Variants in BLOC1S5 observed in about 807,000 individuals in gnomAD.
The protein encoded by BLOC1S5 is biogenesis of lysosomal organelles complex 1 subunit 5.
A neutral mutation model predicts 24.3 loss-of-function variants in BLOC1S5; 27 were observed. The observed-to-expected ratio is 1.11, with a 90% CI of 0.82 to 1.53. The LOEUF (loss-of-function observed/expected upper bound fraction) is 1.53, where lower values mean the gene tolerates loss of function less well. BLOC1S5 is among the 40% of genes most tolerant of loss of function. The pLI, the probability that BLOC1S5 is intolerant of heterozygous loss-of-function variation, is 0.00. For synonymous variants in BLOC1S5, 84 were observed against 74.5 expected (o/e 1.13, Z -0.66); for missense variants, 239 against 229.4 (o/e 1.04, Z -0.27).
intron 2 of BLOC1S5, among the ~76,000 whole-genome samples, chr6:8,052,068 G>A (rs920821867): frequency 4.9e-5 from 7 of 143,976 alleles, no homozygotes; most frequent in East Asian, 2.2e-4. Context: ...CCGGGTTCAC[G>A]CCATTCTCCT....
intron 2 of BLOC1S5, among the ~76,000 whole-genome samples, chr6:8,054,923 C>T (rs7766631): frequency 0.035 from 5,340 of 152,280 alleles, 248 homozygotes; most frequent in African/African-American, 0.11. Flanking sequence ...TTCAACTTCA[C>T]TTAAGGACTC....
chr6:8,044,570 A>G (rs9505345), intron 2 of BLOC1S5, among the ~76,000 whole-genome samples: 31,251 of 152,126 alleles, frequency 0.21, 3,517 homozygotes, highest in African/African-American at 0.28. Flanking sequence ...AAAATGTAAG[A>G]AAGTTTGGGA....
intron 4 of BLOC1S5, among the ~76,000 whole-genome samples, chr6:8,017,541 G>T (rs1043021753): frequency 1.2e-4 from 18 of 152,326 alleles, no homozygotes; most frequent in African/African-American, 3.1e-4. Context: ...CTAGGAAAAA[G>T]AGACCATCTT....
In BLOC1S5 at chr6:8,022,648, G is replaced by T. The variant is rs1477605730; in HGVS notation, c.384+3719C>A. On this transcript the variant is annotated intron_variant, in intron 4 of 4. Transcript: ENST00000397457. ...CGCCCAGGCTGGAGTGCAGTGGCGGGATCTCGGCTCACTGCAAGCTCCGCC... is the reference window on the plus strand; with the variant it reads ...CGCCCAGGCTGGAGTGCAGTGGCGGTATCTCGGCTCACTGCAAGCTCCGCC... 3.7e-4 allele frequency among the ~76,000 whole-genome samples: 49 copies of T among 133,458 alleles called. 4 individuals carry two copies. Among genetic ancestry groups the T allele is most frequent in the African/African-American group, 1.5e-3 (46 of 30,294 alleles). The allele number at this position is 133,458 out of a possible 152,430, so 87.6% of individuals were successfully genotyped here.
intron 1 of BLOC1S5, among the ~76,000 whole-genome samples, chr6:8,063,252 G>C (rs1049612725): frequency 6.6e-6 from 1 of 152,160 alleles, no homozygotes; most frequent in Non-Finnish European, 1.5e-5. Flanking sequence ...ATTAGAGCAA[G>C]ACACAGTGGG....
intron 4 of BLOC1S5, among the ~76,000 whole-genome samples, chr6:8,017,229 T>C (rs1315636794): frequency 6.6e-6 from 1 of 152,188 alleles, no homozygotes; most frequent in Admixed American, 6.5e-5. Context: ...TTGATACAGA[T>C]TAGGTTCTAT....
chr6:8,047,176 A>T (rs879330359), intron 2 of BLOC1S5, among the ~76,000 whole-genome samples: 29,567 of 144,514 alleles, frequency 0.2, 3,489 homozygotes, highest in African/African-American at 0.28. Flanking sequence ...ACACACACAC[A>T]CACACACACA....
chr6:8,040,951 T>C (rs1763657734), intron 3 of BLOC1S5, among the ~76,000 whole-genome samples, 188 bp downstream of exon 3: 1 of 152,134 alleles, frequency 6.6e-6, no homozygotes, highest in Admixed American at 6.5e-5. Context: ...TGCACACATC[T>C]CACTTTGGAG....
At chr6:8,047,199 C>CACACAG (rs796826479) in intron 2 of BLOC1S5, among the ~76,000 whole-genome samples, 1,802 of 112,586 alleles carry the variant, frequency 0.016, 29 homozygotes, top group East Asian at 0.042. Context: ...CACACACACA[C>CACACAG]AGTCAACAGT....
chr6:8,037,717 A>G lies in BLOC1S5; in HGVS notation c.325+3422T>C, dbSNP rs142816352. On this transcript the variant is annotated intron_variant, in intron 3 of 4. Coordinates refer to ENST00000397457, the MANE Select transcript of BLOC1S5 (RefSeq NM_201280.3). Reference sequence around the variant, plus strand: ...GGAGGCATCACACTACCTGATTACAAAGCATATTATTAATACAAAGCTATA... The same window carrying G: ...GGAGGCATCACACTACCTGATTACAGAGCATATTATTAATACAAAGCTATA... Among the ~76,000 whole-genome samples the G allele has an allele frequency of 5.9e-5, 9 of 152,348 alleles. 1 individual carries two copies. Among genetic ancestry groups the G allele is most frequent in the African/African-American group, 2.2e-4 (9 of 41,586 alleles).
At chr6:8,033,291 T>C (rs1763367926) in intron 3 of BLOC1S5, among the ~76,000 whole-genome samples, 1 of 151,962 alleles carries the variant, frequency 6.6e-6, no homozygotes, top group East Asian at 1.9e-4. Context: ...TACAGACCAA[T>C]GGAACAGGAC....
At chr6:8,036,085 T>C (rs6907363) in intron 3 of BLOC1S5, among the ~76,000 whole-genome samples, 23,778 of 151,828 alleles carry the variant, frequency 0.16, 1,932 homozygotes, top group Admixed American at 0.19. Context: ...AGAGGAAACT[T>C]GGAAAATACA....
At chr6:8,050,512 T>C (rs949436282) in intron 2 of BLOC1S5, among the ~76,000 whole-genome samples, 1 of 152,128 alleles carries the variant, frequency 6.6e-6, no homozygotes, top group Non-Finnish European at 1.5e-5. Context: ...TGATTACACT[T>C]AGTGAAGAAT....
chr6:8,033,601 T>C (rs1442942203), intron 3 of BLOC1S5, among the ~76,000 whole-genome samples: 2 of 152,126 alleles, frequency 1.3e-5, no homozygotes, highest in African/African-American at 4.8e-5. Context: ...CCAAAAGCAA[T>C]GGCAACAAAA....
In BLOC1S5 at chr6:8,041,655, C is replaced by CTTTTTTTTTTT. The variant is rs1554139177; in HGVS notation, c.196-388_196-387insAAAAAAAAAAA. 7.2e-3 allele frequency among the ~76,000 whole-genome samples: 803 copies of CTTTTTTTTTTT among 111,868 alleles called. 32 individuals carry two copies. The highest frequency in any genetic ancestry group is 0.024 in the East Asian group (80 of 3,334). The allele number at this position is 111,868 out of a possible 152,430, so 73.4% of individuals were successfully genotyped here. A position where few individuals can be genotyped will look rare whatever the true frequency, so the allele number is the denominator to read the frequency against. ...TAGTAATTACTTTCTTTCTTTCTTT[C>CTTTTTTTTTTT]TTTTTTTTTGAGATGCAGTCTCGCC... On this transcript the variant is annotated intron_variant, in intron 2 of 4. Transcript: ENST00000397457.
chr6:8,060,965 C>T (rs1184868149), intron 2 of BLOC1S5, among the ~76,000 whole-genome samples: 3 of 152,196 alleles, frequency 2.0e-5, no homozygotes, highest in African/African-American at 7.2e-5. Flanking sequence ...GCTGGGACTA[C>T]AGGCACATGC....
At chr6:8,024,059 A>G (rs183352654) in intron 4 of BLOC1S5, among the ~76,000 whole-genome samples, 31 of 152,382 alleles carry the variant, frequency 2.0e-4, no homozygotes, top group African/African-American at 7.2e-4. Flanking sequence ...TTATTAAATT[A>G]TCTTCAGAAA....
chr6:8,014,435 G>C lies in BLOC1S5; in HGVS notation c.*1214C>G, dbSNP rs1282271549. 1 of 151,986 alleles carries C rather than the reference G, an allele frequency of 6.6e-6. No individual in the cohort carries two copies. Among genetic ancestry groups the C allele is most frequent in the Non-Finnish European group, 1.5e-5 (1 of 68,044 alleles). 9.4% of individuals were successfully genotyped at this position (151,986 alleles called of 1,614,324 possible). A position where few individuals can be genotyped will look rare whatever the true frequency, so the allele number is the denominator to read the frequency against. The stretch of plus-strand genomic sequence containing the variant: ...ATTACAAGCGTGCACCAACATGCCG[G>C]GCTAATTTTTGTATTTTTAGTAGAG... On this transcript the variant is annotated 3_prime_UTR_variant, in exon 5 of 5. Transcript: ENST00000397457.
rs1764351483 is a variant in BLOC1S5 at position 8,057,359 on chromosome 6, C to A, written c.195+5175G>T. On this transcript the variant is annotated intron_variant, in intron 2 of 4. Coordinates refer to ENST00000397457, the MANE Select transcript of BLOC1S5 (RefSeq NM_201280.3). Reference sequence around the variant, plus strand: ...TTTGTTTTTATGCTGATATTTTTAACTGAGGGGTAACTGTTCGCACTTATC... The same window carrying A: ...TTTGTTTTTATGCTGATATTTTTAAATGAGGGGTAACTGTTCGCACTTATC... Among the ~76,000 whole-genome samples, 4 of 152,152 alleles carry A rather than the reference C, an allele frequency of 2.6e-5. No individual in the cohort carries two copies. The South Asian group carries it at 8.3e-4, about 31-fold the overall frequency.
Sources: allele counts gnomAD v4.1 joint callset (sites outside exome capture counted in the v4.1 genomes callset), GRCh38; gene constraint gnomAD v4.1.1; transcripts MANE v1.5; gene names NCBI Gene and HGNC (gene_info 2026-07-23, HGNC 2026-07-21).